Variants in TOP1MT observed in about 807,000 individuals in gnomAD.
The protein encoded by TOP1MT is DNA topoisomerase I mitochondrial.
TOP1MT carries 80 observed loss-of-function variants against 73.9 expected under a neutral mutation model. The observed-to-expected ratio is 1.08, with a 90% CI of 0.90 to 1.30. The LOEUF is 1.30. Ranked by LOEUF, TOP1MT falls within the 50% of genes most tolerant of loss-of-function variation. TOP1MT has a pLI of 0.00. For synonymous variants in TOP1MT, 338 were observed against 326.4 expected, an observed-to-expected ratio of 1.04 and a Z score of -0.38; for missense variants, 815 against 808.0, an observed-to-expected ratio of 1.01 and a Z score of -0.10.
intron 7 of TOP1MT, among the ~76,000 whole-genome samples, chr8:143,323,444 G>A (rs1268989698): frequency 4.1e-5 from 2 of 48,934 alleles, no homozygotes; most frequent in Non-Finnish European, 7.2e-5. Context: ...ACACACGCAC[G>A]CCACACGCAC....
Position 143,354,825 on chromosome 8 carries a change from C to T in TOP1MT, c.-39+1140G>A, listed in dbSNP as rs1019877646. ...GAACCAGAACAGGTCCAGAGCAAGT[C>T]CGGGGCTGCTGCATGGTCAGACCAC... On this transcript the variant is annotated intron_variant, in intron 1 of 5. Coordinates refer to the TOP1MT transcript ENST00000518760. Among the ~76,000 whole-genome samples, 96 of 152,114 alleles carry T rather than the reference C, an allele frequency of 6.3e-4. 1 individual carries two copies. Among genetic ancestry groups the T allele is most frequent in the African/African-American group, 2.2e-3 (91 of 41,492 alleles).
chr8:143,330,977 G>A (rs747373046), intron 2 of TOP1MT, among the ~76,000 whole-genome samples: 203 of 152,296 alleles, frequency 1.3e-3, no homozygotes, highest in Non-Finnish European at 2.3e-3. Flanking sequence ...AGAGGGTCCT[G>A]GACACAACAG....
At chr8:143,359,550 C>T (rs1222745592), upstream of TOP1MT, 4 of 445,064 alleles carry the variant, frequency 9.0e-6, no homozygotes, top group Admixed American at 1.3e-4. Flanking sequence ...GGTGGGGCAG[C>T]CAGGGGAGAG....
In TOP1MT at chr8:143,315,764, C is replaced by T. The variant is rs1816141760; in HGVS notation, c.1516G>A (p.Ala506Thr). 7 of 1,613,914 alleles carry T rather than the reference C, an allele frequency of 4.3e-6. No homozygotes were observed. Among genetic ancestry groups the T allele is most frequent in the African/African-American group, 2.7e-5 (2 of 74,930 alleles). Residue 506 changes from alanine to threonine, a missense_variant, in exon 12 of 14, where the codon GCT becomes ACT. This residue lies in a region of TOP1MT where 751 missense variants were observed against 725.4 expected (regional missense o/e 1.04). Coordinates refer to ENST00000329245, the MANE Select transcript of TOP1MT (RefSeq NM_052963.3). Reference sequence around the variant, plus strand: ...CCATCCCCTTGGGCTTTGTGCTCAGCCCTCGCCCTCCTCAGCTCTGCCCTG... The same window carrying T: ...CCATCCCCTTGGGCTTTGTGCTCAGTCCTCGCCCTCCTCAGCTCTGCCCTG... ...EARAELRRARAEHKAQGDGKS... is the reference protein window; with the variant it reads ...EARAELRRARTEHKAQGDGKS...
rs751327566 is a variant in TOP1MT, at chr8:143,324,519, T to C, written c.782A>G (p.Lys261Arg). ...CGAGCAAGGGTTCAGCATGATGTAC[T>C]TGATGGAGTTCTGAACGCTCTCGGT... Reference protein sequence around the residue: ...AWTESVQNSIKYIMLNPCSKL... With the variant: ...AWTESVQNSIRYIMLNPCSKL... The change falls in exon 6 of 14, where the codon AAG becomes AGG. Residue 261 changes from lysine to arginine, a missense_variant. Lys to Arg is a conservative substitution (Grantham distance 26). Coordinates refer to ENST00000329245, the MANE Select transcript of TOP1MT (RefSeq NM_052963.3). The C allele has an allele frequency of 6.8e-6, 11 of 1,613,864 alleles. No homozygotes were observed. Among genetic ancestry groups the C allele is most frequent in the Middle Eastern group, 1.6e-4 (1 of 6,082 alleles).
intron 7 of TOP1MT, among the ~76,000 whole-genome samples, chr8:143,323,089 GGCATGCCAAACACGCACGCCACACAT>G (rs1816561718): frequency 1.4e-5 from 1 of 71,094 alleles, no homozygotes; most frequent in Admixed American, 1.6e-4. Flanking sequence ...GCCACACACA[GGCATGCCAAACACGCACGCCACACAT>G]GCACGCCACA....
intron 13 of TOP1MT, 45 bp downstream of exon 13, chr8:143,310,023 C>G: frequency 6.2e-7 from 1 of 1,602,722 alleles, no homozygotes. Flanking sequence ...AAACCCAGGC[C>G]CCCCATAGGC....
intron 2 of TOP1MT, among the ~76,000 whole-genome samples, chr8:143,342,764 CAG>C (rs1159417907): frequency 1.3e-5 from 1 of 77,692 alleles, no homozygotes; most frequent in Non-Finnish European, 3.2e-5. Flanking sequence ...TTATTAGAGA[CAG>C]AGTCTTGCTC....
At chr8:143,329,265 G>A in intron 3 of TOP1MT, 85 bp downstream of exon 3, 2 of 1,428,996 alleles carry the variant, frequency 1.4e-6, no homozygotes, top group East Asian at 2.6e-5. Flanking sequence ...AACTTGCGAG[G>A]GGCGTTCAGA....
chr8:143,351,576 T>A (rs1415094920), intron 1 of TOP1MT, among the ~76,000 whole-genome samples: 3 of 132,738 alleles, frequency 2.3e-5, no homozygotes, highest in African/African-American at 2.9e-5. Flanking sequence ...TGAGACCCAG[T>A]CTCAAAAAAA....
At chr8:143,318,974 C>G (rs1345486546) in intron 8 of TOP1MT, among the ~76,000 whole-genome samples, 1 of 152,224 alleles carries the variant, frequency 6.6e-6, no homozygotes, top group African/African-American at 2.4e-5. Context: ...CTCCCCTGGA[C>G]AGCACTGCAA....
chr8:143,353,435 G>A (rs1310453788), intron 1 of TOP1MT, among the ~76,000 whole-genome samples: 1 of 150,674 alleles, frequency 6.6e-6, no homozygotes, highest in African/African-American at 2.4e-5. Context: ...AAAAAAAAAG[G>A]TAAAGATTGT....
rs115445974 is a variant in TOP1MT at position 143,354,160 on chromosome 8, T to C, written c.-39+1805A>G. 2.0e-3 allele frequency among the ~76,000 whole-genome samples: 303 copies of C among 151,956 alleles called. 3 individuals carry two copies. The highest frequency in any genetic ancestry group is 7.0e-3 in the African/African-American group (290 of 41,316). ...CCCTACGGTACAAACAACCCAAATG[T>C]ACATCAGCAGACGAACGGATCAACG... On this transcript the variant is annotated intron_variant, in intron 1 of 5. Transcript: ENST00000518760.
chr8:143,345,885 G>T (rs1367631898), upstream of TOP1MT, among the ~76,000 whole-genome samples: 2 of 152,188 alleles, frequency 1.3e-5, no homozygotes, highest in Non-Finnish European at 2.9e-5. Flanking sequence ...ACTGTGGAGG[G>T]TCTGATTCTG....
intron 8 of TOP1MT, 37 bp downstream of exon 8, chr8:143,321,164 G>A (rs765220173): frequency 1.3e-6 from 2 of 1,526,562 alleles, no homozygotes; most frequent in Non-Finnish European, 8.9e-7. Context: ...GCAAATACGT[G>A]TCACATAGCG....
At position 143,353,023 on chromosome 8, in the gene TOP1MT, C is replaced by T. The variant is rs113730003; in HGVS notation, c.-39+2942G>A. Reference sequence around the variant, plus strand: ...ACTTTTGTGCTTCAAAAGACACCATCAAGAAAGCAAAAAGACAATCCACAG... The same window carrying T: ...ACTTTTGTGCTTCAAAAGACACCATTAAGAAAGCAAAAAGACAATCCACAG... On this transcript the variant is annotated intron_variant, in intron 1 of 5. Transcript: ENST00000518760. Among the ~76,000 whole-genome samples, 299 of 152,254 alleles carry T rather than the reference C, an allele frequency of 2.0e-3. 1 individual carries two copies. Among genetic ancestry groups the T allele is most frequent in the African/African-American group, 6.9e-3 (287 of 41,552 alleles).
chr8:143,317,759 T>A lies in TOP1MT; in HGVS notation c.1294A>T (p.Ile432Phe). The change falls in exon 10 of 14, where the codon ATC (isoleucine) becomes TTC (phenylalanine). Residue 432 changes from isoleucine (I) to phenylalanine (F), a missense_variant. Physicochemically the swap from Ile to Phe is conservative, Grantham distance 21 (BLOSUM62 0). This residue lies in a region of TOP1MT where 751 missense variants were observed against 725.4 expected (regional missense o/e 1.04). Transcript: ENST00000329245. ...AKVFRTYNAS[I>F]TLQEQLRALT... ...GCCCGCAGCTGCTCCTGCAGAGTGA[T>A]GGAGGCGTTGTAGGTCCGGAACACC... is the stretch of plus-strand genomic sequence containing the variant. The A allele has an allele frequency of 6.2e-7, 1 of 1,614,096 alleles. No individual in the cohort carries two copies. Among genetic ancestry groups the A allele is most frequent in the Non-Finnish European group, 8.5e-7 (1 of 1,180,028 alleles).
intron 1 of TOP1MT, chr8:143,355,846 T>C (rs1177021214): frequency 6.6e-6 from 1 of 152,260 alleles, no homozygotes; most frequent in Non-Finnish European, 1.5e-5. Context: ...CCAATTCCAC[T>C]GCAAAGGCCA....
intron 1 of TOP1MT, 118 bp from the exon 2 acceptor site, chr8:143,331,457 C>T: frequency 1.3e-6 from 1 of 764,374 alleles, no homozygotes; most frequent in Non-Finnish European, 2.1e-6. Context: ...TGGCCTCCAC[C>T]TCACGGGGGA....
Sources: gnomAD v4.1 joint callset for allele counts (sites outside exome capture counted in the v4.1 genomes callset) on GRCh38, gnomAD v4.1.1 for gene constraint, gnomAD v4.1.1 regional missense constraint, MANE v1.5 for transcripts, NCBI Gene and HGNC (gene_info 2026-07-23, HGNC 2026-07-21) for gene names.